Variants in CSAD observed in about 807,000 individuals in gnomAD.
The protein encoded by CSAD is P-selectin cytoplasmic tail-associated protein.
CSAD carries 47 observed loss-of-function variants against 61.5 expected under a neutral mutation model. The ratio of observed to expected loss-of-function variants is 0.76; its 90% CI spans 0.60 to 0.97. CSAD has a LOEUF of 0.97. Ranked by LOEUF, CSAD falls within the 50% of genes least tolerant of loss-of-function variation. The probability of loss-of-function intolerance (pLI) is 0.00; values close to 1 mark genes in which losing one functional copy is unlikely to be tolerated. For missense variants in CSAD, 611 were observed against 643.6 expected (o/e 0.95, Z 0.55); for synonymous variants, 245 against 252.7 (o/e 0.97, Z 0.29).
rs553608957 is a variant in CSAD at position 53,168,727 on chromosome 12, G to A, written c.702+1345C>T. Among the ~76,000 whole-genome samples the A allele has an allele frequency of 3.3e-5, 5 of 152,188 alleles. No individual in the cohort carries two copies. The South Asian group carries it at 6.2e-4, about 19-fold the overall frequency. ...TTTATACAGTGCATCTATGTGCCAG[G>A]AACTATTCTAAGTGCTTTACATATA... On this transcript the variant is annotated intron_variant, in intron 10 of 16. Coordinates refer to ENST00000444623, the MANE Select transcript of CSAD (RefSeq NM_001244705.2).
intron 4 of CSAD, 107 bp downstream of exon 4, chr12:53,173,238 A>G: frequency 9.6e-7 from 1 of 1,044,584 alleles, no homozygotes. Flanking sequence ...AAAAGGAAGG[A>G]AGAAAGAAGG....
chr12:53,160,000 G>A, intron 14 of CSAD, 62 bp from the exon 15 acceptor site: 2 of 1,598,590 alleles, frequency 1.3e-6, no homozygotes, highest in Non-Finnish European at 1.7e-6. Context: ...GACAGAAGAG[G>A]CCCACGTAGA....
intron 10 of CSAD, chr12:53,166,243 C>T (rs10876415): frequency 0.96 from 145,559 of 152,384 alleles, 69,583 homozygotes; most frequent in East Asian, 1. Context: ...GGCAGGAGAA[C>T]TGCTTGAACC....
chr12:53,163,773 G>A (rs1054713649), intron 10 of CSAD, among the ~76,000 whole-genome samples: 2 of 152,220 alleles, frequency 1.3e-5, no homozygotes, highest in Admixed American at 6.5e-5. Flanking sequence ...AAATTCATAT[G>A]GAAATTCAAG....
chr12:53,174,551 T>C (rs1467738712), intron 2 of CSAD, among the ~76,000 whole-genome samples: 1 of 152,094 alleles, frequency 6.6e-6, no homozygotes, highest in Non-Finnish European at 1.5e-5. Flanking sequence ...CCCAGCACTT[T>C]GGGATGCTGA....
In CSAD at chr12:53,160,790, G is replaced by T. The variant is rs1015649369; in HGVS notation, c.939C>A (p.Cys313Ter). The change falls in exon 13 of 17, where the codon TGC (cysteine) becomes TGA (stop). Residue 313 changes from cysteine (C) to a stop codon, truncating the protein, a stop_gained. Transcript: ENST00000444623. LOFTEE classifies it high-confidence loss of function. ...AGGTATCCTGGAGAAGAAGTGCAGAGCATTGCAGGCCTGCTGCGAGGAGCT... is the reference window on the plus strand; with the variant it reads ...AGGTATCCTGGAGAAGAAGTGCAGATCATTGCAGGCCTGCTGCGAGGAGCT... ...PHKLLAAGLQ[C>*]SALLLQDTSN... The T allele has an allele frequency of 2.6e-6, 4 of 1,551,658 alleles. No homozygotes were observed. Among genetic ancestry groups the T allele is most frequent in the Non-Finnish European group, 3.5e-6 (4 of 1,147,004 alleles).
intron 3 of CSAD, 80 bp from the exon 4 acceptor site, chr12:53,173,556 C>T (rs561176926): frequency 1.8e-5 from 29 of 1,609,890 alleles, no homozygotes; most frequent in African/African-American, 5.3e-5. Flanking sequence ...CTCTCCCAAA[C>T]GGGCCTGAGG....
Position 53,171,598 on chromosome 12 carries a change from C to T in CSAD, c.452-157G>A, listed in dbSNP as rs539747277. 8.4e-6 allele frequency: 6 copies of T among 711,538 alleles called. No individual in the cohort carries two copies. In the Admixed American group the frequency reaches 1.7e-4, roughly 20 times the overall value. The allele number at this position is 711,538 out of a possible 1,614,324, so 44.1% of individuals were successfully genotyped here. On this transcript the variant is annotated intron_variant, in intron 7 of 16. Transcript: ENST00000444623. ...GGATCATACCATCCCAGAATGGATC[C>T]AGGATCAGCAGATCCTCTTGACCAC...
chr12:53,160,401 T>A, intron 13 of CSAD, 82 bp from the exon 14 acceptor site: 1 of 1,364,846 alleles, frequency 7.3e-7, no homozygotes, highest in South Asian at 1.2e-5. Context: ...GGGTCTTAGC[T>A]CAGGATACCC....
intron 2 of CSAD, among the ~76,000 whole-genome samples, chr12:53,175,836 C>T (rs951142758): frequency 6.6e-6 from 1 of 152,158 alleles, no homozygotes; most frequent in African/African-American, 2.4e-5. Flanking sequence ...TTGACCTTCA[C>T]AATAGTATTA....
intron 7 of CSAD, 43 bp from the exon 8 acceptor site, chr12:53,171,484 G>A: frequency 6.3e-7 from 1 of 1,589,270 alleles, no homozygotes. Flanking sequence ...GGAGCAGTGG[G>A]TCAAGACTGG....
chr12:53,160,334 G>A lies in CSAD; in HGVS notation c.967-15C>T, dbSNP rs930466420. 2 of 1,613,160 alleles carry A rather than the reference G, an allele frequency of 1.2e-6. No individual in the cohort carries two copies. Among genetic ancestry groups the A allele is most frequent in the South Asian group, 2.2e-5 (2 of 91,080 alleles). On this transcript the variant is annotated splice_polypyrimidine_tract_variant and intron_variant, in intron 13 of 16. Coordinates refer to ENST00000444623, the MANE Select transcript of CSAD (RefSeq NM_001244705.2). ...TTGAGCAGGTTCTGTGTGGGGGTGA[G>A]GAGATTGTCAGACCCTACCCTCTCC...
chr12:53,161,155 G>T lies in CSAD; in HGVS notation c.856C>A (p.His286Asn), dbSNP rs1310714234. The change falls in exon 12 of 17, where the codon CAC (histidine) becomes AAC (asparagine). Residue 286 changes from histidine to asparagine, a missense_variant. By Grantham distance (68) the His-to-Asn change is moderately conservative. Transcript: ENST00000444623. The stretch of plus-strand genomic sequence containing the variant: ...TGGATCCCATCCAGGAGATGCCTGT[G>T]TGTCTGTGACAGCAGGACGCTCCCA... ...WGGSVLLSQT[H>N]RHLLDGIQRA... 2 of 1,614,054 alleles carry T rather than the reference G, an allele frequency of 1.2e-6. No individual in the cohort carries two copies. The highest frequency in any genetic ancestry group is 2.2e-5 in the South Asian group (2 of 91,088).
In CSAD at chr12:53,158,518, T is replaced by G. The variant is rs1592293720; in HGVS notation, c.1475A>C (p.Asp492Ala). ...LLNELERLGQ[D>A]L ...CAGCAAGACAGAGAAGGCTCACAGG[T>G]CCTGGCCTAGCCGCTCCAGCTCGTT... The change falls in exon 17 of 17, where the codon GAC (aspartate) becomes GCC (alanine). Residue 492 changes from aspartate to alanine, a missense_variant. Coordinates refer to ENST00000444623, the MANE Select transcript of CSAD (RefSeq NM_001244705.2). 2 of 1,612,776 alleles carry G rather than the reference T, an allele frequency of 1.2e-6. No homozygotes were observed. The highest frequency in any genetic ancestry group is 1.7e-6 in the Non-Finnish European group (2 of 1,179,502).
chr12:53,173,704 C>T (rs1488223742), intron 3 of CSAD, 24 bp downstream of exon 3: 2 of 1,571,692 alleles, frequency 1.3e-6, no homozygotes. Context: ...TGGCCATTTC[C>T]ACCTAAGGCA....
intron 10 of CSAD, among the ~76,000 whole-genome samples, chr12:53,163,689 T>C (rs1356103077): frequency 6.6e-6 from 1 of 152,190 alleles, no homozygotes; most frequent in Non-Finnish European, 1.5e-5. Flanking sequence ...AAAATATGTT[T>C]CATGTTGATG....
chr12:53,172,069 A>G (rs906604626), intron 6 of CSAD, 81 bp from the exon 7 acceptor site: 36 of 982,422 alleles, frequency 3.7e-5, no homozygotes, highest in African/African-American at 6.5e-5. Context: ...AGGAGTCACA[A>G]AAAGGAGGCA....
chr12:53,159,090 A>C (rs1466446559), intron 16 of CSAD, among the ~76,000 whole-genome samples: 2 of 152,210 alleles, frequency 1.3e-5, no homozygotes, highest in Non-Finnish European at 2.9e-5. Flanking sequence ...GTGATCTAGC[A>C]AGTAATTTAC....
intron 10 of CSAD, among the ~76,000 whole-genome samples, chr12:53,165,743 G>A (rs1342560086): frequency 5.3e-5 from 8 of 151,432 alleles, no homozygotes. Context: ...CTTGTGCACT[G>A]CAGGAATGTA....
Sources: gnomAD v4.1 joint callset for allele counts (sites outside exome capture counted in the v4.1 genomes callset) on GRCh38, gnomAD v4.1.1 for gene constraint, MANE v1.5 for transcripts, NCBI Gene and HGNC (gene_info 2026-07-23, HGNC 2026-07-21) for gene names.